PREP: variants seen among roughly 807,000 people sequenced by gnomAD.
PREP encodes the protein dJ355L5.1 (prolyl endopeptidase).
Under a neutral mutation model 87.6 loss-of-function variants are expected in PREP, and 29 were observed. The observed-to-expected ratio is 0.33, with a 90% confidence interval of 0.25 to 0.45. PREP has a LOEUF of 0.45. PREP is among the 20% of genes least tolerant of loss of function. The pLI is 1.00. For synonymous variants in PREP, 337 were observed against 328.6 expected, an observed-to-expected ratio of 1.03 and a Z score of -0.28; for missense variants, 695 against 886.5, an observed-to-expected ratio of 0.78 and a Z score of 2.74.
In PREP at chr6:105,373,471, G is replaced by T; in HGVS notation, c.493C>A (p.Pro165Thr). ...FMKVDGAKEL[P>T]DVLERVKFSC... Reference sequence around the variant, plus strand: ...AACTTGACTCTTTCAAGCACATCTGGAAGCTCTTTGGCACCATCAACTTTC... The same window carrying T: ...AACTTGACTCTTTCAAGCACATCTGTAAGCTCTTTGGCACCATCAACTTTC... Residue 165 changes from proline to threonine, a missense_variant, in exon 5 of 15, where the codon CCA becomes ACA. By Grantham distance (38) the Pro-to-Thr change is conservative. Coordinates refer to ENST00000652536, the MANE Select transcript of PREP (RefSeq NM_002726.5). The T allele has an allele frequency of 6.2e-7, 1 of 1,614,188 alleles. No individual in the cohort carries two copies. Among genetic ancestry groups the T allele is most frequent in the Non-Finnish European group, 8.5e-7 (1 of 1,180,036 alleles).
intron 7 of PREP, among the ~76,000 whole-genome samples, chr6:105,335,812 G>A (rs1414910168): frequency 6.6e-6 from 1 of 152,244 alleles, no homozygotes; most frequent in East Asian, 1.9e-4. Flanking sequence ...AGAATGGCGT[G>A]AACCCGGGAG....
chr6:105,389,280 C>T (rs139867901), intron 2 of PREP, among the ~76,000 whole-genome samples: 256 of 152,250 alleles, frequency 1.7e-3, no homozygotes, highest in African/African-American at 5.9e-3. Context: ...ATTACTTTAA[C>T]TCTTTATAGA....
intron 10 of PREP, among the ~76,000 whole-genome samples, chr6:105,297,921 C>T (rs751398452): frequency 3.3e-5 from 5 of 152,140 alleles, no homozygotes; most frequent in East Asian, 1.9e-4. Context: ...ATCTCATAAG[C>T]GGGACTATCT....
intron 2 of PREP, among the ~76,000 whole-genome samples, chr6:105,383,254 A>T (rs1437431391): frequency 5.9e-5 from 4 of 68,276 alleles, no homozygotes; most frequent in Admixed American, 2.4e-4. Context: ...CTCTACCATT[A>T]AAAAAAAAAA....
intron 3 of PREP, 113 bp downstream of exon 3, chr6:105,377,273 C>A (rs1772708715): frequency 8.2e-7 from 1 of 1,220,880 alleles, no homozygotes; most frequent in Non-Finnish European, 1.1e-6. Context: ...GAAATTAATT[C>A]CTTATAATGA....
chr6:105,296,335 A>C (rs1770410928), intron 10 of PREP, among the ~76,000 whole-genome samples: 1 of 150,416 alleles, frequency 6.6e-6, no homozygotes, highest in East Asian at 1.9e-4. Flanking sequence ...GAAGGGTAGT[A>C]ACCTTTTTTC....
intron 7 of PREP, 123 bp from the exon 8 acceptor site, chr6:105,333,628 A>T: frequency 4.9e-6 from 5 of 1,011,134 alleles, no homozygotes; most frequent in Non-Finnish European, 7.4e-6. Flanking sequence ...TATTTGGAAG[A>T]TCTAGGGCAT....
chr6:105,322,496 C>T (rs774442554), intron 10 of PREP: 96 of 985,480 alleles, frequency 9.7e-5, no homozygotes, highest in Admixed American at 9.2e-4. Context: ...TATGTCTTCT[C>T]GGCCCTGTAT....
chr6:105,374,677 T>C (rs1772643850), intron 4 of PREP, among the ~76,000 whole-genome samples: 1 of 62,980 alleles, frequency 1.6e-5, no homozygotes. Flanking sequence ...TATATATATA[T>C]ATATATATAT....
chr6:105,353,328 G>A (rs1236319998), intron 6 of PREP, among the ~76,000 whole-genome samples: 2 of 152,168 alleles, frequency 1.3e-5, no homozygotes, highest in African/African-American at 4.8e-5. Flanking sequence ...GTAACTGAAT[G>A]TCATAACTTC....
At chr6:105,291,379 TGAG>T (rs1292363985) in intron 10 of PREP, among the ~76,000 whole-genome samples, 1 of 152,184 alleles carries the variant, frequency 6.6e-6, no homozygotes, top group East Asian at 1.9e-4. Context: ...TTGATTAAAT[TGAG>T]GGATACAAAG....
chr6:105,379,663 T>C (rs1772784868), intron 2 of PREP, among the ~76,000 whole-genome samples: 1 of 152,190 alleles, frequency 6.6e-6, no homozygotes, highest in South Asian at 2.1e-4. Context: ...CCTCCTATGA[T>C]TTTCTTCTGC....
intron 10 of PREP, among the ~76,000 whole-genome samples, chr6:105,317,248 G>A (rs1770898063): frequency 6.6e-6 from 1 of 152,014 alleles, no homozygotes; most frequent in African/African-American, 2.4e-5. Context: ...ATAAGGCACT[G>A]TGCCTGGCTA....
At chr6:105,349,909 A>T (rs1315718563) in intron 7 of PREP, among the ~76,000 whole-genome samples, 7 of 147,462 alleles carry the variant, frequency 4.7e-5, no homozygotes, top group African/African-American at 1.6e-4. Context: ...AAAAAAAAAA[A>T]AAAAAAAAAA....
rs750445857 is a variant in PREP, at chr6:105,281,926, A to G, written c.1682-24T>C. The G allele has an allele frequency of 8.7e-6, 14 of 1,610,628 alleles. No individual in the cohort carries two copies. The Admixed American group carries it at 2.2e-4, about 25-fold the overall frequency. Reference sequence around the variant, plus strand: ...AGCTAAAAGCCCAACGTAGAAAGAAAAGGGAGGCAGTCTATCATTAAACAT... The same window carrying G: ...AGCTAAAAGCCCAACGTAGAAAGAAGAGGGAGGCAGTCTATCATTAAACAT... On this transcript the variant is annotated intron_variant, in intron 13 of 14. Transcript: ENST00000652536.
At chr6:105,369,519 A>G (rs577204891) in intron 5 of PREP, among the ~76,000 whole-genome samples, 1 of 152,360 alleles carries the variant, frequency 6.6e-6, no homozygotes. Context: ...ACAGAAGGAG[A>G]ACAAAGTTGG....
At chr6:105,324,830 C>T (rs902597589) in intron 9 of PREP, among the ~76,000 whole-genome samples, 3 of 152,158 alleles carry the variant, frequency 2.0e-5, no homozygotes, top group East Asian at 1.9e-4. Context: ...CATTTAGATC[C>T]GTGAACAGCA....
rs548587274 is a variant in PREP, at chr6:105,390,905, G to A, written c.120+6948C>T. 2.6e-5 allele frequency among the ~76,000 whole-genome samples: 4 copies of A among 152,158 alleles called. No homozygotes were observed. The East Asian group carries it at 5.8e-4, about 22-fold the overall frequency. ...ATGCTGCCTCCATGATGAAAGCAGT[G>A]TAAAAAAGCAGGGCTGAAGGAAGAG... is the stretch of plus-strand genomic sequence containing the variant. On this transcript the variant is annotated intron_variant, in intron 2 of 14. Transcript: ENST00000652536.
intron 10 of PREP, among the ~76,000 whole-genome samples, chr6:105,303,579 A>G (rs1770590857): frequency 6.6e-6 from 1 of 151,958 alleles, no homozygotes; most frequent in South Asian, 2.1e-4. Flanking sequence ...TCCCTCCCCT[A>G]TCCAATGCAG....
Sources: gnomAD v4.1 joint callset for allele counts (sites outside exome capture counted in the v4.1 genomes callset) on GRCh38, gnomAD v4.1.1 for gene constraint, MANE v1.5 for transcripts, NCBI Gene and HGNC (gene_info 2026-07-23, HGNC 2026-07-21) for gene names.